The following JAZF1 variants were observed in gnomAD, a reference collection of about 807,000 sequenced individuals.
JAZF1 encodes the protein juxtaposed with another zinc finger protein 1.
A neutral mutation model predicts 26.4 loss-of-function variants in JAZF1; 8 were observed. The ratio of observed to expected loss-of-function variants is 0.30; its 90% CI spans 0.18 to 0.55. The LOEUF is 0.55. JAZF1 is among the 20% of genes least tolerant of loss of function. The pLI, the probability that JAZF1 is intolerant of heterozygous loss-of-function variation, is 0.94. For synonymous variants in JAZF1, 126 were observed against 122.3 expected (o/e 1.03, Z -0.20); for missense variants, 199 against 322.0 (o/e 0.62, Z 2.92).
chr7:28,066,369 T>A (rs1783882486), intron 1 of JAZF1, among the ~76,000 whole-genome samples: 1 of 151,922 alleles, frequency 6.6e-6, no homozygotes, highest in Admixed American at 6.6e-5. Context: ...TTTGGGAGGC[T>A]GAGGCAGGGG....
intron 2 of JAZF1, among the ~76,000 whole-genome samples, chr7:27,952,365 G>A (rs565924821): frequency 3.9e-5 from 6 of 152,360 alleles, no homozygotes; most frequent in Non-Finnish European, 8.8e-5. Context: ...ACCGATCCCA[G>A]CACCCAATGA....
At chr7:27,979,333 A>C (rs9648343) in intron 2 of JAZF1, among the ~76,000 whole-genome samples, 49,612 of 147,316 alleles carry the variant, frequency 0.34, 9,413 homozygotes, top group Middle Eastern at 0.45. Context: ...CAGAAAATAC[A>C]GTATAATTAA....
chr7:27,939,742 G>A (rs1290398451), intron 2 of JAZF1, among the ~76,000 whole-genome samples: 1 of 152,180 alleles, frequency 6.6e-6, no homozygotes, highest in South Asian at 2.1e-4. Flanking sequence ...TTGGGCACTC[G>A]CAATAGGGAG....
chr7:27,904,068 C>T (rs765413134), intron 2 of JAZF1, among the ~76,000 whole-genome samples: 1 of 152,144 alleles, frequency 6.6e-6, no homozygotes, highest in Non-Finnish European at 1.5e-5. Flanking sequence ...GACAGTCTAA[C>T]ATGGAGAGTA....
At chr7:27,908,175 C>A (rs1473388326) in intron 2 of JAZF1, among the ~76,000 whole-genome samples, 4 of 152,182 alleles carry the variant, frequency 2.6e-5, no homozygotes, top group Admixed American at 6.5e-5. Context: ...AGCATCTATT[C>A]ATGAAATGTA....
chr7:28,096,352 A>T (rs1784384510), intron 1 of JAZF1, among the ~76,000 whole-genome samples: 1 of 152,386 alleles, frequency 6.6e-6, no homozygotes, highest in Non-Finnish European at 1.5e-5. Context: ...CTTTGCTGTT[A>T]ATTCTCTGAA....
chr7:28,137,136 G>A (rs1403646210), intron 1 of JAZF1, among the ~76,000 whole-genome samples: 1 of 152,174 alleles, frequency 6.6e-6, no homozygotes, highest in Non-Finnish European at 1.5e-5. Flanking sequence ...GGTAGGGTAG[G>A]GACTGAGACT....
At chr7:27,990,758 A>G (rs1407533715) in intron 2 of JAZF1, among the ~76,000 whole-genome samples, 1 of 152,206 alleles carries the variant, frequency 6.6e-6, no homozygotes, top group Non-Finnish European at 1.5e-5. Flanking sequence ...TACAGAAAAC[A>G]ATACTGGCTC....
At chr7:28,070,095 G>A (rs1381099103) in intron 1 of JAZF1, among the ~76,000 whole-genome samples, 1 of 152,166 alleles carries the variant, frequency 6.6e-6, no homozygotes, top group Non-Finnish European at 1.5e-5. Flanking sequence ...GAGCTTTTTT[G>A]TTGCTCTGCC....
rs115931864 is a variant in JAZF1, at chr7:28,132,762, T to G, written c.115+47701A>C. ...AGATCCTCCAACTGCAGGTGAAACT[T>G]TTCAAACAAAATACAGTTAGCTCTC... On this transcript the variant is annotated intron_variant, in intron 1 of 4. Coordinates refer to ENST00000283928, the MANE Select transcript of JAZF1 (RefSeq NM_175061.4). Among the ~76,000 whole-genome samples, 1,004 of 152,214 alleles carry G rather than the reference T, an allele frequency of 6.6e-3. 17 individuals are homozygous for G. Among genetic ancestry groups the G allele is most frequent in the African/African-American group, 0.023 (968 of 41,532 alleles).
chr7:27,837,705 C>G (rs1399961453), intron 4 of JAZF1, among the ~76,000 whole-genome samples: 1 of 152,128 alleles, frequency 6.6e-6, no homozygotes, highest in East Asian at 1.9e-4. Context: ...ATGAGAGATA[C>G]TGAGGGAGAG....
chr7:27,928,027 C>G (rs1214571060), intron 2 of JAZF1, among the ~76,000 whole-genome samples: 1 of 152,082 alleles, frequency 6.6e-6, no homozygotes, highest in Non-Finnish European at 1.5e-5. Context: ...TTGAATAGTT[C>G]ATTTGTATTT....
chr7:28,130,851 A>T (rs1225629262), intron 1 of JAZF1, among the ~76,000 whole-genome samples: 1 of 152,180 alleles, frequency 6.6e-6, no homozygotes, highest in Non-Finnish European at 1.5e-5. Flanking sequence ...TGGATAGAAT[A>T]CCAAATGTAT....
At chr7:27,872,924 G>C (rs1783611047) in intron 3 of JAZF1, among the ~76,000 whole-genome samples, 1 of 152,130 alleles carries the variant, frequency 6.6e-6, no homozygotes, top group Non-Finnish European at 1.5e-5. Flanking sequence ...GTTTTATGAA[G>C]CTATGAACCA....
chr7:27,902,782 C>T (rs1265052585), intron 2 of JAZF1, among the ~76,000 whole-genome samples: 3 of 152,014 alleles, frequency 2.0e-5, no homozygotes, highest in Non-Finnish European at 4.4e-5. Flanking sequence ...TTTGGGAGGC[C>T]GAGATGGGCA....
chr7:27,919,667 T>A (rs150743561), intron 2 of JAZF1, among the ~76,000 whole-genome samples: 203 of 152,220 alleles, frequency 1.3e-3, no homozygotes, highest in African/African-American at 4.6e-3. Context: ...AGGGGTGACT[T>A]ATGGTTACAA....
intron 2 of JAZF1, among the ~76,000 whole-genome samples, chr7:27,963,476 TG>T (rs1167982192): frequency 1.3e-5 from 2 of 152,142 alleles, no homozygotes; most frequent in Non-Finnish European, 2.9e-5. Context: ...CTGTCAATCC[TG>T]GGGTCTTGCA....
At chr7:28,067,566 A>C (rs1225184954) in intron 1 of JAZF1, among the ~76,000 whole-genome samples, 2 of 152,166 alleles carry the variant, frequency 1.3e-5, no homozygotes, top group African/African-American at 4.8e-5. Flanking sequence ...TCTGCTGGAA[A>C]GCTCTGGAGA....
chr7:28,000,091 G>A (rs931926194), intron 1 of JAZF1, among the ~76,000 whole-genome samples: 1 of 152,180 alleles, frequency 6.6e-6, no homozygotes, highest in Non-Finnish European at 1.5e-5. Context: ...TAGGGGAGAG[G>A]TCTGTGGATA....
Sources: allele counts gnomAD v4.1 joint callset (sites outside exome capture counted in the v4.1 genomes callset), GRCh38; gene constraint gnomAD v4.1.1; transcripts MANE v1.5; gene names NCBI Gene and HGNC (gene_info 2026-07-23, HGNC 2026-07-21).